CNTLN: variants seen among roughly 807,000 people sequenced by gnomAD.
The protein encoded by CNTLN is centlein.
CNTLN carries 212 observed loss-of-function variants against 180.0 expected under a neutral mutation model. That is an observed-to-expected ratio of 1.18 (90% CI 1.05 to 1.32). The LOEUF (loss-of-function observed/expected upper bound fraction) is 1.32, where lower values mean the gene tolerates loss of function less well. Among genes scored for constraint, CNTLN ranks in the 40% most tolerant of loss-of-function variants. The probability of loss-of-function intolerance (pLI) is 0.00; values close to 1 mark genes in which losing one functional copy is unlikely to be tolerated. For synonymous variants in CNTLN, 722 were observed against 563.1 expected (o/e 1.28, Z -3.99); for missense variants, 2,095 against 1,610.9 (o/e 1.30, Z -5.14).
intron 2 of CNTLN, among the ~76,000 whole-genome samples, chr9:17,152,344 A>T (rs562083634): frequency 2.6e-5 from 4 of 152,174 alleles, no homozygotes; most frequent in African/African-American, 9.6e-5. Flanking sequence ...TGTCCCAGAG[A>T]TTCGGGTATG....
intron 20 of CNTLN, among the ~76,000 whole-genome samples, chr9:17,463,646 T>C (rs1831581098): frequency 6.6e-6 from 1 of 151,602 alleles, no homozygotes; most frequent in Non-Finnish European, 1.5e-5. Flanking sequence ...AAAAGTGATA[T>C]GAATAGATAA....
chr9:17,259,143 G>A (rs372058504), intron 5 of CNTLN, among the ~76,000 whole-genome samples: 24,388 of 144,182 alleles, frequency 0.17, 2,557 homozygotes, highest in South Asian at 0.26. Context: ...TTTGAAATAC[G>A]TCCCATCAAT....
intron 2 of CNTLN, among the ~76,000 whole-genome samples, chr9:17,191,913 T>G (rs1300234346): frequency 6.6e-6 from 1 of 152,176 alleles, no homozygotes; most frequent in African/African-American, 2.4e-5. Flanking sequence ...GCATCAATTA[T>G]TGTCTTGTAA....
chr9:17,488,308 T>A (rs1832987823), intron 25 of CNTLN, among the ~76,000 whole-genome samples: 1 of 151,672 alleles, frequency 6.6e-6, no homozygotes, highest in African/African-American at 2.4e-5. Flanking sequence ...CAAAGCCTTT[T>A]ACACTGACTA....
intron 7 of CNTLN, chr9:17,300,781 C>A (rs1425036002): frequency 6.1e-6 from 1 of 164,070 alleles, no homozygotes. Context: ...CTGATCTCAT[C>A]TTTGCCTTCT....
chr9:17,287,197 T>C (rs1165982756), intron 6 of CNTLN, among the ~76,000 whole-genome samples: 2 of 151,296 alleles, frequency 1.3e-5, no homozygotes, highest in African/African-American at 4.9e-5. Flanking sequence ...ACCTAATTTA[T>C]TGAGAGTTTT....
chr9:17,368,059 A>G (rs1447590022), intron 13 of CNTLN, among the ~76,000 whole-genome samples: 3 of 152,158 alleles, frequency 2.0e-5, no homozygotes, highest in Non-Finnish European at 4.4e-5. Context: ...CATTGATTCC[A>G]GGCTTTGGCT....
downstream of CNTLN, among the ~76,000 whole-genome samples, chr9:17,504,767 C>CTACACAA (rs1833902206): frequency 6.6e-6 from 1 of 152,042 alleles, no homozygotes; most frequent in Non-Finnish European, 1.5e-5. Context: ...ATGTGGATGG[C>CTACACAA]CCTTGGAGAC....
At chr9:17,229,442 G>C (rs973731770) in intron 3 of CNTLN, among the ~76,000 whole-genome samples, 1 of 152,080 alleles carries the variant, frequency 6.6e-6, no homozygotes, top group African/African-American at 2.4e-5. Context: ...TGACTGATTT[G>C]TTTTAAGTAA....
chr9:17,307,968 A>G (rs1818837175), intron 7 of CNTLN, among the ~76,000 whole-genome samples: 1 of 128,874 alleles, frequency 7.8e-6, no homozygotes, highest in Admixed American at 8.0e-5. Flanking sequence ...GTTAGCCTTT[A>G]AAACCACACA....
At chr9:17,268,510 C>T (rs890852836) in intron 5 of CNTLN, among the ~76,000 whole-genome samples, 2 of 152,186 alleles carry the variant, frequency 1.3e-5, no homozygotes, top group African/African-American at 4.8e-5. Flanking sequence ...AGGAGGCAGT[C>T]TGCCCGTTCT....
intron 5 of CNTLN, among the ~76,000 whole-genome samples, chr9:17,240,749 A>G (rs1340877432): frequency 6.6e-6 from 1 of 152,048 alleles, no homozygotes; most frequent in African/African-American, 2.4e-5. Flanking sequence ...TTTTAAGTTG[A>G]TATGATCCCA....
chr9:17,513,335 A>G, the CNTLN span, among the ~76,000 whole-genome samples: 1 of 152,124 alleles, frequency 6.6e-6, no homozygotes, highest in African/African-American at 2.4e-5. Context: ...TTTAAAAGAG[A>G]ATTAATAGCT....
At chr9:17,433,716 C>G (rs1829573375) in intron 18 of CNTLN, among the ~76,000 whole-genome samples, 1 of 151,930 alleles carries the variant, frequency 6.6e-6, no homozygotes, top group Non-Finnish European at 1.5e-5. Flanking sequence ...TAACCTCAAA[C>G]TGCTGGGTGT....
At chr9:17,364,647 C>T (rs929718231) in intron 12 of CNTLN, among the ~76,000 whole-genome samples, 2 of 152,084 alleles carry the variant, frequency 1.3e-5, no homozygotes, top group Non-Finnish European at 2.9e-5. Context: ...TTTAGACTGT[C>T]ATTCATGGCT....
At chr9:17,317,997 G>A (rs1221146834) in intron 8 of CNTLN, among the ~76,000 whole-genome samples, 1 of 151,632 alleles carries the variant, frequency 6.6e-6, no homozygotes, top group East Asian at 1.9e-4. Context: ...CAGAAGAGTG[G>A]TGAGATCTAA....
intron 2 of CNTLN, among the ~76,000 whole-genome samples, chr9:17,209,895 G>A (rs1191856103): frequency 6.6e-6 from 1 of 152,092 alleles, no homozygotes; most frequent in African/African-American, 2.4e-5. Flanking sequence ...TTTTACAGAA[G>A]ATAATCTAAA....
At chr9:17,175,697 T>A (rs1820676131) in intron 2 of CNTLN, among the ~76,000 whole-genome samples, 2 of 152,138 alleles carry the variant, frequency 1.3e-5, no homozygotes, top group African/African-American at 4.8e-5. Context: ...AGGTTTTGAG[T>A]TGAACCTAGA....
At chr9:17,425,772 G>T (rs1829040833) in intron 18 of CNTLN, among the ~76,000 whole-genome samples, 1 of 152,130 alleles carries the variant, frequency 6.6e-6, no homozygotes, top group Non-Finnish European at 1.5e-5. Flanking sequence ...GCTGAATTGT[G>T]TTCTAGTGTT....
Sources: gnomAD v4.1 joint callset for allele counts (sites outside exome capture counted in the v4.1 genomes callset) on GRCh38, gnomAD v4.1.1 for gene constraint, MANE v1.5 for transcripts, NCBI Gene and HGNC (gene_info 2026-07-23, HGNC 2026-07-21) for gene names.